ELP4: variants seen among roughly 807,000 people sequenced by gnomAD.
The protein encoded by ELP4 is elongator complex protein 4.
A neutral mutation model predicts 48.9 loss-of-function variants in ELP4; 51 were observed. That is an observed-to-expected ratio of 1.04 (90% CI 0.83 to 1.32). ELP4 has a LOEUF of 1.32. Ranked by LOEUF, ELP4 falls within the 40% of genes most tolerant of loss-of-function variation. The pLI, the probability that ELP4 is intolerant of heterozygous loss-of-function variation, is 0.00. For missense variants in ELP4, 519 were observed against 514.6 expected, an observed-to-expected ratio of 1.01 and a Z score of -0.08; for synonymous variants, 210 against 189.2, an observed-to-expected ratio of 1.11 and a Z score of -0.90.
chr11:31,739,823 T>C (rs879277519), intron 9 of ELP4, among the ~76,000 whole-genome samples: 10 of 152,202 alleles, frequency 6.6e-5, no homozygotes, highest in Non-Finnish European at 1.2e-4. Context: ...AGTCCATAAT[T>C]TCCATTACTG....
chr11:31,613,591 T>G lies in ELP4; in HGVS notation c.653+9684T>G, dbSNP rs1288989687. ...GAAACAGGACTGGTATAGAGAGATGTCTTACAGGATATTCACCAAACTGTT... is the reference window on the plus strand; with the variant it reads ...GAAACAGGACTGGTATAGAGAGATGGCTTACAGGATATTCACCAAACTGTT... On this transcript the variant is annotated intron_variant, in intron 5 of 9. Coordinates refer to ENST00000640961, the MANE Select transcript of ELP4 (RefSeq NM_019040.5). 3.3e-5 allele frequency among the ~76,000 whole-genome samples: 5 copies of G among 152,252 alleles called. No individual in the cohort carries two copies. In the East Asian group the frequency reaches 5.8e-4, roughly 18 times the overall value.
intron 9 of ELP4, among the ~76,000 whole-genome samples, chr11:31,737,928 G>A (rs1353329671): frequency 6.6e-6 from 1 of 152,022 alleles, no homozygotes; most frequent in Non-Finnish European, 1.5e-5. Context: ...GCAGCAATTC[G>A]ACTTCTGGCT....
chr11:31,706,468 C>CA (rs976754559), intron 9 of ELP4, among the ~76,000 whole-genome samples: 14 of 147,800 alleles, frequency 9.5e-5, no homozygotes, highest in African/African-American at 3.2e-4. Context: ...CCATCTCTAC[C>CA]AAAAAAAAGT....
intron 2 of ELP4, among the ~76,000 whole-genome samples, chr11:31,534,381 A>T (rs1956465879): frequency 6.6e-6 from 1 of 151,932 alleles, no homozygotes; most frequent in South Asian, 2.1e-4. Context: ...GGTGCAAGAA[A>T]ATGAGTTACT....
At chr11:31,616,704 C>T (rs1441037547) in intron 5 of ELP4, among the ~76,000 whole-genome samples, 1 of 151,952 alleles carries the variant, frequency 6.6e-6, no homozygotes, top group Non-Finnish European at 1.5e-5. Context: ...GAATAAAGAA[C>T]TCCTACGACT....
chr11:31,692,538 A>G (rs1305794704), intron 9 of ELP4, among the ~76,000 whole-genome samples: 2 of 152,196 alleles, frequency 1.3e-5, no homozygotes, highest in Admixed American at 6.6e-5. Flanking sequence ...AGGGCACAGT[A>G]AAGTCCTAGC....
chr11:31,742,982 C>T (rs1469983108), intron 9 of ELP4, among the ~76,000 whole-genome samples: 2 of 152,284 alleles, frequency 1.3e-5, no homozygotes, highest in African/African-American at 2.4e-5. Context: ...CAAGACCCAT[C>T]AGTGTGCCGT....
At chr11:31,698,530 A>T (rs896668399) in intron 9 of ELP4, among the ~76,000 whole-genome samples, 2 of 151,946 alleles carry the variant, frequency 1.3e-5, no homozygotes, top group African/African-American at 4.8e-5. Context: ...CTCCCTCCTT[A>T]GCCTCCCGAG....
chr11:31,755,619 T>C (rs1218140703), intron 9 of ELP4, among the ~76,000 whole-genome samples: 3 of 152,018 alleles, frequency 2.0e-5, no homozygotes, highest in Non-Finnish European at 4.4e-5. Context: ...TCAGTACTCT[T>C]TAGAGGTATC....
At chr11:31,549,418 A>G (rs989268080) in intron 3 of ELP4, among the ~76,000 whole-genome samples, 2 of 152,242 alleles carry the variant, frequency 1.3e-5, no homozygotes, top group African/African-American at 2.4e-5. Flanking sequence ...AGAGAAATGC[A>G]TATCAAAACC....
Position 31,786,298 on chromosome 11 carries a change from A to G in ELP4, c.*2774A>G. On this transcript the variant is annotated 3_prime_UTR_variant, in exon 10 of 10. Coordinates refer to ENST00000640961, the MANE Select transcript of ELP4 (RefSeq NM_019040.5). ...TATTCATTTGTTTAAGCCCATTATTAATGTCATTTCTAAGACAGCATGTTA... is the reference window on the plus strand; with the variant it reads ...TATTCATTTGTTTAAGCCCATTATTGATGTCATTTCTAAGACAGCATGTTA... 1 of 210,024 alleles carries G rather than the reference A, an allele frequency of 4.8e-6. No individual in the cohort carries two copies. The highest frequency in any genetic ancestry group is 9.7e-6 in the Non-Finnish European group (1 of 103,236). 13.0% of individuals were successfully genotyped at this position (210,024 alleles called of 1,614,324 possible).
chr11:31,748,182 T>C (rs1244862293), intron 9 of ELP4, among the ~76,000 whole-genome samples: 3 of 152,174 alleles, frequency 2.0e-5, no homozygotes, highest in Non-Finnish European at 2.9e-5. Context: ...GTGGTTAATG[T>C]TATTAAGTCT....
intron 3 of ELP4, among the ~76,000 whole-genome samples, chr11:31,575,277 G>A (rs1333467022): frequency 2.0e-5 from 3 of 152,156 alleles, no homozygotes; most frequent in Non-Finnish European, 2.9e-5. Context: ...CCTCCAAGAA[G>A]TATGGGACTA....
intron 6 of ELP4, among the ~76,000 whole-genome samples, chr11:31,631,357 T>C (rs11031433): frequency 0.043 from 6,521 of 152,270 alleles, 208 homozygotes; most frequent in Non-Finnish European, 0.068. Context: ...AAACTTACTT[T>C]TCCCATCAAT....
intron 9 of ELP4, among the ~76,000 whole-genome samples, chr11:31,752,888 A>G (rs1592282053): frequency 1.3e-5 from 2 of 152,038 alleles, no homozygotes; most frequent in East Asian, 3.9e-4. Context: ...GTCCATATCT[A>G]TAGCCAAGAG....
At chr11:31,626,728 GGCATA>G (rs1944752289) in intron 5 of ELP4, among the ~76,000 whole-genome samples, 1 of 151,772 alleles carries the variant, frequency 6.6e-6, no homozygotes, top group Admixed American at 6.6e-5. Flanking sequence ...AGGTGTACTT[GGCATA>G]GCAGTTCATT....
intron 9 of ELP4, among the ~76,000 whole-genome samples, chr11:31,725,652 C>G (rs1947060052): frequency 6.6e-6 from 1 of 152,184 alleles, no homozygotes; most frequent in East Asian, 1.9e-4. Flanking sequence ...AAAATAAAAT[C>G]TTTTCACCAC....
chr11:31,630,564 G>A (rs1246785239), intron 6 of ELP4, among the ~76,000 whole-genome samples: 1 of 151,878 alleles, frequency 6.6e-6, no homozygotes, highest in Non-Finnish European at 1.5e-5. Context: ...CTTGACCTTA[G>A]GCGATCTGCC....
At chr11:31,743,727 C>G (rs1190870722) in intron 9 of ELP4, among the ~76,000 whole-genome samples, 1 of 152,088 alleles carries the variant, frequency 6.6e-6, no homozygotes, top group Admixed American at 6.5e-5. Context: ...ATACCAGAAT[C>G]TCTGGGACAC....
Sources: allele counts gnomAD v4.1 joint callset (sites outside exome capture counted in the v4.1 genomes callset), GRCh38; gene constraint gnomAD v4.1.1; transcripts MANE v1.5; gene names NCBI Gene and HGNC (gene_info 2026-07-23, HGNC 2026-07-21).